ABTB3: variants seen among roughly 807,000 people sequenced by gnomAD.
ABTB3 encodes ankyrin repeat and BTB domain containing 3.
chr12:107,629,803 T>A, the ABTB3 span, among the ~76,000 whole-genome samples: 1 of 152,220 alleles, frequency 6.6e-6, no homozygotes, highest in South Asian at 2.1e-4. Flanking sequence ...GCCTCCAGAA[T>A]GGAGCAAGCC....
chr12:107,606,856 G>A, the ABTB3 span, among the ~76,000 whole-genome samples: 6 of 152,138 alleles, frequency 3.9e-5, no homozygotes, highest in Admixed American at 1.3e-4. Context: ...TTTTCACCAC[G>A]ATACACCCAG....
At chr12:107,636,733 A>G in the ABTB3 span, among the ~76,000 whole-genome samples, 1 of 152,214 alleles carries the variant, frequency 6.6e-6, no homozygotes, top group Non-Finnish European at 1.5e-5. Context: ...TATTAATTAA[A>G]ATGTTATCAG....
At chr12:107,502,536 T>C in the ABTB3 span, among the ~76,000 whole-genome samples, 1 of 151,970 alleles carries the variant, frequency 6.6e-6, no homozygotes, top group Non-Finnish European at 1.5e-5. Context: ...TAAACATATA[T>C]ACAGTGTATT....
the ABTB3 span, among the ~76,000 whole-genome samples, chr12:107,653,161 A>C: frequency 0.11 from 17,044 of 152,188 alleles, 1,223 homozygotes; most frequent in African/African-American, 0.19. Context: ...CTCCCATATC[A>C]CACACAGCTC....
At chr12:107,524,395 G>A in the ABTB3 span, among the ~76,000 whole-genome samples, 1 of 152,068 alleles carries the variant, frequency 6.6e-6, no homozygotes, top group Non-Finnish European at 1.5e-5. Flanking sequence ...CATATTCAAA[G>A]GTTGCTCAGC....
At chr12:107,455,131 G>A in the ABTB3 span, among the ~76,000 whole-genome samples, 1 of 152,226 alleles carries the variant, frequency 6.6e-6, no homozygotes, top group African/African-American at 2.4e-5. Flanking sequence ...GGGTCAGAGA[G>A]CCCAAGCATG....
the ABTB3 span, among the ~76,000 whole-genome samples, chr12:107,510,899 A>T: frequency 6.6e-6 from 1 of 152,130 alleles, no homozygotes; most frequent in Non-Finnish European, 1.5e-5. Flanking sequence ...GCCAGCCTGG[A>T]CAATAGAGCC....
chr12:107,535,976 AC>A, the ABTB3 span, among the ~76,000 whole-genome samples: 1 of 152,186 alleles, frequency 6.6e-6, no homozygotes, highest in African/African-American at 2.4e-5. Flanking sequence ...GAGGCATCAT[AC>A]TACTTGACTT....
the ABTB3 span, chr12:107,649,062 G>A: frequency 8.9e-6 from 6 of 675,520 alleles, no homozygotes; most frequent in Non-Finnish European, 1.3e-5. Context: ...TGAGCTCTTG[G>A]TCACTGGTGA....
the ABTB3 span, among the ~76,000 whole-genome samples, chr12:107,504,146 G>C: frequency 6.6e-6 from 1 of 152,182 alleles, no homozygotes; most frequent in African/African-American, 2.4e-5. Context: ...ATTTTACTCT[G>C]TAATCAGCTC....
chr12:107,465,367 G>A, the ABTB3 span, among the ~76,000 whole-genome samples: 3 of 152,006 alleles, frequency 2.0e-5, no homozygotes, highest in Admixed American at 2.0e-4. Flanking sequence ...GCAAGCTCAG[G>A]GTCCCTAGCT....
the ABTB3 span, among the ~76,000 whole-genome samples, chr12:107,524,489 G>A: frequency 2.0e-5 from 3 of 152,322 alleles, no homozygotes; most frequent in South Asian, 2.1e-4. Context: ...ACAGGGACAC[G>A]TCTGGCCAGG....
At chr12:107,615,236 C>A in the ABTB3 span, 1 of 1,172,426 alleles carries the variant, frequency 8.5e-7, no homozygotes, top group Non-Finnish European at 1.3e-6. Flanking sequence ...ATACCTCTCC[C>A]AGCATGCATA....
At chr12:107,505,042 C>T in the ABTB3 span, among the ~76,000 whole-genome samples, 2 of 152,284 alleles carry the variant, frequency 1.3e-5, no homozygotes, top group South Asian at 4.2e-4. Flanking sequence ...AAGTGGAGAG[C>T]TGGTAACAGG....
chr12:107,607,332 C>G, the ABTB3 span, among the ~76,000 whole-genome samples: 1 of 152,112 alleles, frequency 6.6e-6, no homozygotes, highest in Non-Finnish European at 1.5e-5. Flanking sequence ...ACGTTCTGTG[C>G]CCTAGAAGCT....
chr12:107,630,170 A>G, the ABTB3 span, among the ~76,000 whole-genome samples: 1 of 152,210 alleles, frequency 6.6e-6, no homozygotes, highest in Non-Finnish European at 1.5e-5. Flanking sequence ...AAAGCCTCGT[A>G]AAAGGCAGCA....
At chr12:107,502,997 C>T in the ABTB3 span, among the ~76,000 whole-genome samples, 1 of 152,098 alleles carries the variant, frequency 6.6e-6, no homozygotes, top group Non-Finnish European at 1.5e-5. Context: ...GAGACAATTA[C>T]CATTGAAAAG....
the ABTB3 span, among the ~76,000 whole-genome samples, chr12:107,534,938 T>C: frequency 1.3e-5 from 2 of 152,192 alleles, no homozygotes; most frequent in African/African-American, 2.4e-5. Context: ...TCCTAACTCA[T>C]TCTACAATGC....
chr12:107,319,486 G>C, the ABTB3 span: 6 of 1,596,316 alleles, frequency 3.8e-6, no homozygotes, highest in Non-Finnish European at 5.1e-6. Context: ...CGGCGGCTGC[G>C]CTGGCCGCAC....
Sources: gnomAD v4.1 joint callset for allele counts (sites outside exome capture counted in the v4.1 genomes callset) on GRCh38, gnomAD v4.1.1 for gene constraint, MANE v1.5 for transcripts, NCBI Gene and HGNC (gene_info 2026-07-23, HGNC 2026-07-21) for gene names.